Variants in RASGRF2 observed in about 807,000 individuals in gnomAD.
RASGRF2 encodes Ras protein specific guanine nucleotide releasing factor 2.
Under a neutral mutation model 151.0 loss-of-function variants are expected in RASGRF2, and 76 were observed. The ratio of observed to expected loss-of-function variants is 0.50; its 90% CI spans 0.42 to 0.61. The LOEUF is 0.61. Among genes scored for constraint, RASGRF2 ranks in the 20% least tolerant of loss-of-function variants. RASGRF2 has a pLI of 0.00. For synonymous variants in RASGRF2, 504 were observed against 566.5 expected, an observed-to-expected ratio of 0.89 and a Z score of 1.57; for missense variants, 1,148 against 1,564.6, an observed-to-expected ratio of 0.73 and a Z score of 4.49.
chr5:80,977,542 G>A (rs768265348), intron 1 of RASGRF2, among the ~76,000 whole-genome samples: 4 of 151,936 alleles, frequency 2.6e-5, no homozygotes, highest in Admixed American at 6.6e-5. Context: ...AGCTCACTGC[G>A]ACCTCCATCT....
chr5:81,004,515 G>C lies in RASGRF2; in HGVS notation c.289-38362G>C, dbSNP rs542392098. Among the ~76,000 whole-genome samples, 6 of 152,320 alleles carry C rather than the reference G, an allele frequency of 3.9e-5. No individual in the cohort carries two copies. The East Asian group carries it at 1.2e-3, about 29-fold the overall frequency. ...CCATGAGGCTGCATGTCCAATAGCA[G>C]CATTCCAACATTCCACCAATTTGGC... On this transcript the variant is annotated intron_variant, in intron 1 of 26. Coordinates refer to ENST00000265080, the MANE Select transcript of RASGRF2 (RefSeq NM_006909.3).
chr5:81,058,070 TATTA>T (rs2112430185), intron 2 of RASGRF2, among the ~76,000 whole-genome samples: 1 of 152,186 alleles, frequency 6.6e-6, no homozygotes, highest in East Asian at 1.9e-4. Flanking sequence ...AATACATGAT[TATTA>T]ATTCTTATAA....
intron 17 of RASGRF2, among the ~76,000 whole-genome samples, chr5:81,138,710 C>T (rs956206232): frequency 1.3e-5 from 2 of 152,054 alleles, no homozygotes; most frequent in South Asian, 2.1e-4. Flanking sequence ...TACCAGGTCC[C>T]GGTTCCAGCG....
intron 14 of RASGRF2, 193 bp from the exon 15 acceptor site, chr5:81,113,345 C>T (rs556618129): frequency 1.8e-5 from 12 of 665,724 alleles, no homozygotes; most frequent in African/African-American, 1.3e-4. Flanking sequence ...AGGGATTAGA[C>T]GATGCCTAAT....
intron 17 of RASGRF2, among the ~76,000 whole-genome samples, chr5:81,141,660 G>A (rs940410499): frequency 6.6e-6 from 1 of 152,122 alleles, no homozygotes; most frequent in Non-Finnish European, 1.5e-5. Context: ...TCTGCAGCAC[G>A]TCCATTTCTT....
intron 22 of RASGRF2, among the ~76,000 whole-genome samples, chr5:81,209,267 G>A (rs577458320): frequency 2.0e-5 from 3 of 152,206 alleles, no homozygotes; most frequent in East Asian, 1.9e-4. Flanking sequence ...CCAGCGGTAA[G>A]ATTGGGAGAT....
At chr5:81,157,429 A>G (rs1754288243) in intron 17 of RASGRF2, among the ~76,000 whole-genome samples, 1 of 152,152 alleles carries the variant, frequency 6.6e-6, no homozygotes, top group African/African-American at 2.4e-5. Context: ...TAAAGTACCA[A>G]ACATTGCTGA....
chr5:81,111,362 A>G (rs1212455368), intron 13 of RASGRF2, among the ~76,000 whole-genome samples: 4 of 152,198 alleles, frequency 2.6e-5, no homozygotes, highest in African/African-American at 4.8e-5. Context: ...TGCCAGTGCA[A>G]TGGTCTGAAG....
chr5:81,015,298 G>C (rs1388115691), intron 1 of RASGRF2, among the ~76,000 whole-genome samples: 1 of 152,004 alleles, frequency 6.6e-6, no homozygotes, highest in African/African-American at 2.4e-5. Context: ...GGGATTGCTG[G>C]GTCAAATGGT....
At chr5:81,210,503 G>A (rs1474073138) in intron 22 of RASGRF2, among the ~76,000 whole-genome samples, 1 of 152,224 alleles carries the variant, frequency 6.6e-6, no homozygotes, top group Non-Finnish European at 1.5e-5. Flanking sequence ...GTGATCACAA[G>A]TGGAGTTATA....
At chr5:81,013,231 T>C (rs1005028175) in intron 1 of RASGRF2, among the ~76,000 whole-genome samples, 1 of 152,226 alleles carries the variant, frequency 6.6e-6, no homozygotes, top group Non-Finnish European at 1.5e-5. Flanking sequence ...TTCCAGCTCT[T>C]GCTTTCTACT....
intron 1 of RASGRF2, among the ~76,000 whole-genome samples, chr5:80,980,268 G>A (rs2112236655): frequency 6.6e-6 from 1 of 152,212 alleles, no homozygotes; most frequent in Non-Finnish European, 1.5e-5. Context: ...TGTCCCCAGG[G>A]CCCACCAGCC....
chr5:80,991,022 C>T (rs1336843074), intron 1 of RASGRF2, among the ~76,000 whole-genome samples: 1 of 152,106 alleles, frequency 6.6e-6, no homozygotes, highest in Non-Finnish European at 1.5e-5. Context: ...ATGTCTGGGA[C>T]CCATTATTTT....
At chr5:81,003,444 C>G (rs553601388) in intron 1 of RASGRF2, among the ~76,000 whole-genome samples, 22 of 152,182 alleles carry the variant, frequency 1.4e-4, no homozygotes, top group African/African-American at 4.8e-4. Flanking sequence ...AGGATGGTCT[C>G]GATCTACTGA....
At chr5:81,063,026 A>G (rs1751492026) in intron 2 of RASGRF2, among the ~76,000 whole-genome samples, 2 of 149,114 alleles carry the variant, frequency 1.3e-5, no homozygotes, top group African/African-American at 5.0e-5. Context: ...GTTAATGATG[A>G]AAAGTATGAC....
At position 81,215,939 on chromosome 5, in the gene RASGRF2, A is replaced by C; in HGVS notation, c.3418A>C (p.Arg1140=). 6.5e-7 allele frequency: 1 copy of C among 1,542,030 alleles called. No homozygotes were observed. ...VSSEGRFKNL[R]ETLKNCNPPA... is the part of the protein sequence containing the mutation. ...CTCTGAAGGAAGATTTAAAAATCTTAGAGAAACCCTTAAAAAGTATGTCTA... is the reference window on the plus strand; with the variant it reads ...CTCTGAAGGAAGATTTAAAAATCTTCGAGAAACCCTTAAAAAGTATGTCTA... The change falls in exon 24 of 27, where the codon AGA becomes CGA. Residue 1140 remains arginine, a synonymous_variant. Transcript: ENST00000265080.
intron 1 of RASGRF2, among the ~76,000 whole-genome samples, chr5:80,973,814 G>T (rs185000991): frequency 1.4e-3 from 206 of 152,352 alleles, no homozygotes; most frequent in African/African-American, 4.8e-3. Flanking sequence ...TATGGACCAG[G>T]AGGAGATGAG....
chr5:81,204,869 C>T (rs536002474), intron 19 of RASGRF2, among the ~76,000 whole-genome samples: 20 of 152,248 alleles, frequency 1.3e-4, no homozygotes, highest in African/African-American at 3.9e-4. Flanking sequence ...AGAAGAGGAA[C>T]ATTTGATGGG....
At chr5:81,007,146 C>T (rs1019328494) in intron 1 of RASGRF2, among the ~76,000 whole-genome samples, 1 of 152,158 alleles carries the variant, frequency 6.6e-6, no homozygotes, top group African/African-American at 2.4e-5. Context: ...TGTTAACCTT[C>T]CTTTTGTTAG....
Sources: allele counts gnomAD v4.1 joint callset (sites outside exome capture counted in the v4.1 genomes callset), GRCh38; gene constraint gnomAD v4.1.1; transcripts MANE v1.5; gene names NCBI Gene and HGNC (gene_info 2026-07-23, HGNC 2026-07-21).